The following RHOBTB1 variants were observed in gnomAD, a reference collection of about 807,000 sequenced individuals.
RHOBTB1 encodes rho-related BTB domain-containing protein 1.
In RHOBTB1, 40 loss-of-function variants were observed where a neutral mutation model predicts 71.6. The observed-to-expected ratio is 0.56, with a 90% CI of 0.43 to 0.73. The LOEUF (loss-of-function observed/expected upper bound fraction) is 0.73. Ranked by LOEUF, RHOBTB1 falls within the 30% of genes least tolerant of loss-of-function variation. The pLI, the probability that RHOBTB1 is intolerant of heterozygous loss-of-function variation, is 0.00. For missense variants in RHOBTB1, 797 were observed against 894.0 expected, an observed-to-expected ratio of 0.89 and a Z score of 1.38; for synonymous variants, 319 against 334.9, an observed-to-expected ratio of 0.95 and a Z score of 0.52.
At chr10:60,979,694 G>A (rs2086430118) in intron 2 of RHOBTB1, among the ~76,000 whole-genome samples, 1 of 152,146 alleles carries the variant, frequency 6.6e-6, no homozygotes, top group Admixed American at 6.6e-5. Context: ...CTGTAACAAC[G>A]AGTGAATTAC....
At chr10:60,890,057 G>A (rs2081839252) in intron 5 of RHOBTB1, among the ~76,000 whole-genome samples, 3 of 152,234 alleles carry the variant, frequency 2.0e-5, no homozygotes, top group African/African-American at 7.2e-5. Flanking sequence ...AGGAAACTGA[G>A]GCAGAAAGGT....
intron 1 of RHOBTB1, among the ~76,000 whole-genome samples, chr10:60,991,437 T>G (rs1355676712): frequency 6.6e-6 from 1 of 150,850 alleles, no homozygotes; most frequent in Non-Finnish European, 1.5e-5. Context: ...AGTACTTTTT[T>G]TTTTTTTTTT....
chr10:60,986,984 T>G (rs2086689295), intron 1 of RHOBTB1, among the ~76,000 whole-genome samples: 1 of 152,138 alleles, frequency 6.6e-6, no homozygotes, highest in Non-Finnish European at 1.5e-5. Flanking sequence ...CCAGGCCAGT[T>G]GCTGCTCATT....
In RHOBTB1 at chr10:60,872,288, A is replaced by G. The variant is rs1228624589; in HGVS notation, c.1818T>C (p.Phe606=). Residue 606 remains phenylalanine, a splice_region_variant and synonymous_variant, in exon 10 of 11, where the codon TTT becomes TTC. Coordinates refer to ENST00000337910, the MANE Select transcript of RHOBTB1 (RefSeq NM_014836.5). ...EVLSYLELAQ[F]HNAHQLAAWC... is the part of the protein sequence containing the mutation. Reference sequence around the variant, plus strand: ...AGGCGGCCAACTGGTGGGCATTGTGAAACTGCAGAAAAGTGAGCAAAAGGA... The same window carrying G: ...AGGCGGCCAACTGGTGGGCATTGTGGAACTGCAGAAAAGTGAGCAAAAGGA... The G allele has an allele frequency of 2.5e-6, 4 of 1,612,444 alleles. No homozygotes were observed. The highest frequency in any genetic ancestry group is 1.3e-5 in the African/African-American group (1 of 74,902).
At chr10:60,881,672 C>T (rs930632568) in intron 7 of RHOBTB1, among the ~76,000 whole-genome samples, 3 of 152,310 alleles carry the variant, frequency 2.0e-5, no homozygotes, top group South Asian at 2.1e-4. Context: ...TTCTTCTTCA[C>T]GGAAACTCTG....
chr10:60,905,890 A>G (rs2082654476), intron 4 of RHOBTB1, among the ~76,000 whole-genome samples: 1 of 152,192 alleles, frequency 6.6e-6, no homozygotes, highest in Non-Finnish European at 1.5e-5. Context: ...CCAGGCAAAG[A>G]TACAAACACC....
At chr10:60,878,357 A>C (rs2081146409) in intron 7 of RHOBTB1, among the ~76,000 whole-genome samples, 1 of 152,194 alleles carries the variant, frequency 6.6e-6, no homozygotes, top group Non-Finnish European at 1.5e-5. Context: ...AGGGGCCCTC[A>C]TGCCAAGCAC....
intron 4 of RHOBTB1, among the ~76,000 whole-genome samples, chr10:60,899,865 G>A (rs921894314): frequency 6.6e-6 from 1 of 152,190 alleles, no homozygotes; most frequent in Non-Finnish European, 1.5e-5. Flanking sequence ...AGGGAAAGGG[G>A]ACAGAGATAT....
intron 2 of RHOBTB1, among the ~76,000 whole-genome samples, chr10:60,981,739 G>A (rs774003349): frequency 1.9e-4 from 29 of 151,842 alleles, no homozygotes; most frequent in African/African-American, 6.8e-4. Context: ...AACAGCAAAA[G>A]TTAAAAAATT....
chr10:60,875,107 G>A, intron 8 of RHOBTB1, 65 bp from the exon 9 acceptor site: 1 of 1,237,626 alleles, frequency 8.1e-7, no homozygotes, highest in Non-Finnish European at 1.2e-6. Context: ...AGCTTGCCTG[G>A]AGGGTTGGTC....
rs372395232 is a variant in RHOBTB1, at chr10:60,997,489, G to C, written c.-163+3910C>G. Among the ~76,000 whole-genome samples, 111 of 152,318 alleles carry C rather than the reference G, an allele frequency of 7.3e-4. 2 individuals are homozygous for C. In the South Asian group the frequency reaches 0.022, roughly 30 times the overall value. ...AAAATGTAATACTTTAGCAAGGATT[G>C]CTGTCTATGTTAGAGAAGAAAAGTT... On this transcript the variant is annotated intron_variant, in intron 1 of 11. Transcript: ENST00000357917.
At chr10:60,915,863 T>A (rs1223328828) in intron 2 of RHOBTB1, among the ~76,000 whole-genome samples, 1 of 152,156 alleles carries the variant, frequency 6.6e-6, no homozygotes, top group African/African-American at 2.4e-5. Flanking sequence ...GCAGCCCACA[T>A]CCTAGTCTCA....
chr10:60,883,058 G>C lies in RHOBTB1; in HGVS notation c.1575+3054C>G, dbSNP rs143920514. 3.7e-3 allele frequency among the ~76,000 whole-genome samples: 567 copies of C among 152,282 alleles called. 6 individuals are homozygous for C. Among genetic ancestry groups the C allele is most frequent in the African/African-American group, 0.013 (544 of 41,558 alleles). ...TGAGCCACTTCCCCAACGTCAAGCT[G>C]AGAGTATATTATAGTTTACACAGGA... On this transcript the variant is annotated intron_variant, in intron 7 of 10. Coordinates refer to ENST00000337910, the MANE Select transcript of RHOBTB1 (RefSeq NM_014836.5).
intron 2 of RHOBTB1, among the ~76,000 whole-genome samples, chr10:60,963,363 A>G (rs952598392): frequency 6.6e-6 from 1 of 152,210 alleles, no homozygotes; most frequent in African/African-American, 2.4e-5. Context: ...TATTCTGACT[A>G]CAATAAAAGA....
upstream of RHOBTB1, among the ~76,000 whole-genome samples, chr10:60,944,487 A>C (rs2134293246): frequency 6.6e-6 from 1 of 152,216 alleles, no homozygotes; most frequent in African/African-American, 2.4e-5. Context: ...CCCGGGACAA[A>C]CCGACACAGA....
intron 2 of RHOBTB1, 43 bp from the exon 3 acceptor site, chr10:60,911,595 T>G: frequency 6.6e-7 from 1 of 1,514,890 alleles, no homozygotes; most frequent in Non-Finnish European, 9.1e-7. Flanking sequence ...CACCAAGGCT[T>G]TCCAGAGCAA....
chr10:60,941,551 C>A (rs960976139), intron 2 of RHOBTB1, among the ~76,000 whole-genome samples: 3 of 152,052 alleles, frequency 2.0e-5, no homozygotes, highest in Admixed American at 6.5e-5. Context: ...ACTCTGATGC[C>A]TAAAGTGAAA....
intron 2 of RHOBTB1, among the ~76,000 whole-genome samples, chr10:60,983,837 G>A (rs753087995): frequency 9.9e-5 from 15 of 152,100 alleles, no homozygotes; most frequent in Admixed American, 5.9e-4. Context: ...TCCCGGCCCC[G>A]CCCTCCTTCT....
chr10:60,900,555 G>T (rs962002288), intron 4 of RHOBTB1, among the ~76,000 whole-genome samples: 1 of 152,132 alleles, frequency 6.6e-6, no homozygotes, highest in African/African-American at 2.4e-5. Flanking sequence ...TCATTTTCAG[G>T]GATTTTGTCC....
Sources: allele counts gnomAD v4.1 joint callset (sites outside exome capture counted in the v4.1 genomes callset), GRCh38; gene constraint gnomAD v4.1.1; transcripts MANE v1.5; gene names NCBI Gene and HGNC (gene_info 2026-07-23, HGNC 2026-07-21).